ZNF451: variants seen among roughly 807,000 people sequenced by gnomAD.
ZNF451 encodes E3 SUMO-protein ligase ZNF451.
A neutral mutation model predicts 107.1 loss-of-function variants in ZNF451; 80 were observed. That is an observed-to-expected ratio of 0.75 (90% CI 0.62 to 0.90). The LOEUF (loss-of-function observed/expected upper bound fraction) is 0.90, where lower values mean the gene tolerates loss of function less well. ZNF451 is among the 40% of genes least tolerant of loss of function. The pLI is 0.00. For synonymous variants in ZNF451, 362 were observed against 406.5 expected (o/e 0.89, Z 1.32); for missense variants, 1,107 against 1,236.2 (o/e 0.90, Z 1.57).
intron 14 of ZNF451, 62 bp downstream of exon 14, chr6:57,161,214 C>G (rs907211670): frequency 2.0e-5 from 20 of 999,302 alleles, no homozygotes; most frequent in Non-Finnish European, 2.8e-5. Context: ...TTTTAAATTT[C>G]TCTGTCTCTC....
At chr6:57,151,933 T>C in intron 11 of ZNF451, 1 of 278,224 alleles carries the variant, frequency 3.6e-6, no homozygotes, top group Non-Finnish European at 6.8e-6. Flanking sequence ...TGCTTACACT[T>C]ATAGAATAAT....
At chr6:57,101,926 T>C in intron 3 of ZNF451, 1 of 1,550,470 alleles carries the variant, frequency 6.4e-7, no homozygotes, top group Non-Finnish European at 8.7e-7. Context: ...AGAAAATGAC[T>C]ATAAAGATCA....
chr6:57,097,923 G>A lies in ZNF451; in HGVS notation c.106-1138G>A, dbSNP rs1357171759. On this transcript the variant is annotated intron_variant, in intron 2 of 14. Transcript: ENST00000370706. The stretch of plus-strand genomic sequence containing the variant: ...TTAGAGATCACTGACTCCTTGTTTT[G>A]TTTTTTAAATAATCTTTTAAATTTA... Among the ~76,000 whole-genome samples the A allele has an allele frequency of 2.7e-5, 4 of 150,090 alleles. No homozygotes were observed. In the East Asian group the frequency reaches 5.9e-4, roughly 22 times the overall value.
rs1421434669 is a variant in ZNF451, at chr6:57,141,321, A to G, written c.722A>G (p.His241Arg). Residue 241 changes from histidine (H) to arginine (R), a missense_variant, in exon 8 of 15, where the codon CAT becomes CGT. By Grantham distance (29) the His-to-Arg change is conservative. Around this residue, in one of 5 missense-constraint regions of ZNF451, gnomAD observed 339 missense variants for 372.8 expected, o/e 0.91. Transcript: ENST00000370706. Reference sequence around the variant, plus strand: ...TTTTAGGAAGCCACAGATGATGGACATAACAACAACCTTCTTCCTCAGATT... The same window carrying G: ...TTTTAGGAAGCCACAGATGATGGACGTAACAACAACCTTCTTCCTCAGATT... ...LFDKEATDDG[H>R]NNNLLPQIIQ... The G allele has an allele frequency of 3.1e-6, 5 of 1,611,292 alleles. No homozygotes were observed. Among genetic ancestry groups the G allele is most frequent in the Non-Finnish European group, 4.2e-6 (5 of 1,178,530 alleles).
At chr6:57,143,823 ATTTT>A (rs977913417) in intron 9 of ZNF451, among the ~76,000 whole-genome samples, 3 of 152,174 alleles carry the variant, frequency 2.0e-5, no homozygotes, top group Non-Finnish European at 2.9e-5. Flanking sequence ...TGACAAATGG[ATTTT>A]TTTAACTGGA....
chr6:57,119,989 T>C (rs1830560954), intron 3 of ZNF451, among the ~76,000 whole-genome samples: 1 of 152,180 alleles, frequency 6.6e-6, no homozygotes, highest in Non-Finnish European at 1.5e-5. Context: ...TTCTCTAGGC[T>C]TTGACAAATG....
intron 3 of ZNF451, chr6:57,100,860 A>T: frequency 6.5e-7 from 1 of 1,549,338 alleles, no homozygotes; most frequent in Non-Finnish European, 8.7e-7. Context: ...CTCTGCCTTC[A>T]TCTCCACTTC....
At chr6:57,136,332 CT>C (rs374390474) in intron 7 of ZNF451, among the ~76,000 whole-genome samples, 2 of 151,822 alleles carry the variant, frequency 1.3e-5, no homozygotes, top group East Asian at 1.9e-4. Flanking sequence ...CAATTCCTTC[CT>C]TTTTTTTAGA....
chr6:57,129,754 C>G (rs764099737), intron 5 of ZNF451, among the ~76,000 whole-genome samples: 26 of 152,074 alleles, frequency 1.7e-4, no homozygotes, highest in Non-Finnish European at 2.8e-4. Flanking sequence ...TATATTTTCT[C>G]CTTATCAACC....
intron 7 of ZNF451, among the ~76,000 whole-genome samples, chr6:57,138,741 A>ATATGTGTGTGTGTGTG (rs1365084616): frequency 4.3e-5 from 2 of 46,588 alleles, no homozygotes; most frequent in African/African-American, 9.2e-5. Flanking sequence ...ATATATATAT[A>ATATGTGTGTGTGTGTG]TGTGTGTGTG....
At chr6:57,124,444 C>G (rs775196272) in intron 3 of ZNF451, 21 of 716,424 alleles carry the variant, frequency 2.9e-5, no homozygotes, top group Non-Finnish European at 4.4e-5. Context: ...GGCGCTTTGC[C>G]TGATGACCCT....
At chr6:57,151,945 CCATT>C (rs985738633) in intron 11 of ZNF451, 25 of 309,724 alleles carry the variant, frequency 8.1e-5, no homozygotes, top group South Asian at 3.5e-4. Flanking sequence ...TAGAATAATG[CCATT>C]CAAAGAATTT....
At chr6:57,137,489 A>G (rs967923671) in intron 7 of ZNF451, among the ~76,000 whole-genome samples, 1 of 152,098 alleles carries the variant, frequency 6.6e-6, no homozygotes, top group South Asian at 2.1e-4. Flanking sequence ...CATATTTCTA[A>G]CAAGCTTTTA....
chr6:57,105,302 T>A, intron 3 of ZNF451: 1 of 984,024 alleles, frequency 1.0e-6, no homozygotes, highest in South Asian at 4.7e-5. Flanking sequence ...ATTTCTTGAT[T>A]AGATATACAA....
At chr6:57,157,442 T>C (rs1347320802) in intron 13 of ZNF451, among the ~76,000 whole-genome samples, 1 of 152,176 alleles carries the variant, frequency 6.6e-6, no homozygotes, top group Admixed American at 6.5e-5. Context: ...GGCATTGTTT[T>C]AGCATGGTGG....
At chr6:57,104,752 GAT>G in intron 3 of ZNF451, 2 of 985,318 alleles carry the variant, frequency 2.0e-6, no homozygotes, top group Non-Finnish European at 2.4e-6. Flanking sequence ...TTCCTCCTGT[GAT>G]ATTTATGTTG....
Position 57,147,435 on chromosome 6 carries a change from T to A in ZNF451, c.1350T>A (p.Asn450Lys). The change falls in exon 10 of 15, where the codon AAT becomes AAA. Residue 450 changes from asparagine (N) to lysine (K), a missense_variant. Coordinates refer to ENST00000370706, the MANE Select transcript of ZNF451 (RefSeq NM_001031623.3). ...TTGCCATTCCAAAAAAGAAGATGAA[T>A]TTAAAAGATAAAAGCCATGAAGGTG... is the stretch of plus-strand genomic sequence containing the variant. ...ECIAIPKKKM[N>K]LKDKSHEGVA... 6.2e-7 allele frequency: 1 copy of A among 1,614,018 alleles called. No homozygotes were observed. The highest frequency in any genetic ancestry group is 8.5e-7 in the Non-Finnish European group (1 of 1,179,970).
intron 7 of ZNF451, among the ~76,000 whole-genome samples, chr6:57,137,598 G>C (rs977045406): frequency 3.9e-5 from 6 of 152,298 alleles, no homozygotes; most frequent in African/African-American, 7.2e-5. Context: ...TACATCACCA[G>C]ATAGCACCCT....
intron 3 of ZNF451, chr6:57,099,636 C>A: frequency 1.6e-6 from 1 of 642,320 alleles, no homozygotes; most frequent in Non-Finnish European, 2.8e-6. Context: ...TTGTCTGTGC[C>A]CCACATATTT....
Sources: gnomAD v4.1 joint callset for allele counts (sites outside exome capture counted in the v4.1 genomes callset) on GRCh38, gnomAD v4.1.1 for gene constraint, gnomAD v4.1.1 regional missense constraint, MANE v1.5 for transcripts, NCBI Gene and HGNC (gene_info 2026-07-23, HGNC 2026-07-21) for gene names.